The following EYS variants were observed in gnomAD, a reference collection of about 807,000 sequenced individuals.
EYS encodes protein eyes shut homolog.
In EYS, 250 loss-of-function variants were observed where a neutral mutation model predicts 282.1. The observed-to-expected ratio is 0.89, with a 90% CI of 0.80 to 0.98. The LOEUF (loss-of-function observed/expected upper bound fraction) is 0.98. EYS is among the 50% of genes least tolerant of loss of function. EYS has a pLI of 0.00. For synonymous variants in EYS, 1,355 were observed against 1,282.9 expected (o/e 1.06, Z -1.20); for missense variants, 4,016 against 3,709.0 (o/e 1.08, Z -2.15).
chr6:64,556,626 T>C (rs1765241474), intron 26 of EYS, among the ~76,000 whole-genome samples: 1 of 151,956 alleles, frequency 6.6e-6, no homozygotes, highest in South Asian at 2.1e-4. Flanking sequence ...TATAAACTTA[T>C]ATCTCAATAA....
intron 25 of EYS, among the ~76,000 whole-genome samples, chr6:64,592,563 C>T (rs1463588752): frequency 3.3e-5 from 5 of 151,960 alleles, no homozygotes; most frequent in East Asian, 1.9e-4. Flanking sequence ...TCTGATTATC[C>T]GAAGTGGCAT....
At chr6:64,869,378 T>A (rs1766521987) in intron 19 of EYS, among the ~76,000 whole-genome samples, 1 of 151,674 alleles carries the variant, frequency 6.6e-6, no homozygotes, top group East Asian at 1.9e-4. Context: ...ACAGGGAAAG[T>A]CCCTGCCCTC....
intron 22 of EYS, among the ~76,000 whole-genome samples, chr6:64,659,814 G>A (rs1187031828): frequency 6.6e-6 from 1 of 152,080 alleles, no homozygotes. Flanking sequence ...GGTACAAGCA[G>A]GAGCTGGTAC....
intron 26 of EYS, among the ~76,000 whole-genome samples, chr6:64,443,242 A>T (rs957755533): frequency 4.6e-5 from 7 of 152,158 alleles, no homozygotes; most frequent in African/African-American, 1.4e-4. Context: ...TGGGACCTGT[A>T]GCTACTTGGT....
chr6:65,398,762 C>A (rs1219023609), intron 7 of EYS, among the ~76,000 whole-genome samples: 5 of 152,102 alleles, frequency 3.3e-5, no homozygotes, highest in Non-Finnish European at 7.4e-5. Flanking sequence ...ACTTCAATAT[C>A]TCTACTTGGC....
At chr6:64,931,011 G>A (rs920498373) in intron 15 of EYS, among the ~76,000 whole-genome samples, 1 of 152,146 alleles carries the variant, frequency 6.6e-6, no homozygotes, top group Non-Finnish European at 1.5e-5. Flanking sequence ...GTTGCAGTCA[G>A]CATTCAAATT....
chr6:64,821,067 A>T (rs951348128), intron 21 of EYS, among the ~76,000 whole-genome samples: 24 of 152,030 alleles, frequency 1.6e-4, no homozygotes, highest in African/African-American at 5.1e-4. Context: ...ATCCACCAAG[A>T]ACGGTCACAA....
At chr6:65,091,843 GCCAC>G (rs555907445) in intron 12 of EYS, among the ~76,000 whole-genome samples, 172 of 152,074 alleles carry the variant, frequency 1.1e-3, no homozygotes, top group African/African-American at 3.9e-3. Flanking sequence ...CTGGCTTTGA[GCCAC>G]TGTTGTCTGT....
At chr6:63,935,248 G>T (rs1489955377) in intron 35 of EYS, among the ~76,000 whole-genome samples, 1 of 152,194 alleles carries the variant, frequency 6.6e-6, no homozygotes, top group Non-Finnish European at 1.5e-5. Context: ...TGAGAATATA[G>T]CCTGATACAT....
chr6:64,274,200 G>C (rs1768032214), intron 30 of EYS, among the ~76,000 whole-genome samples: 1 of 152,144 alleles, frequency 6.6e-6, no homozygotes, highest in Non-Finnish European at 1.5e-5. Flanking sequence ...TTCATAGACA[G>C]GGTTTCACTC....
chr6:64,912,549 G>C lies in EYS; in HGVS notation c.2576C>G (p.Pro859Arg), dbSNP rs1214166572. Residue 859 changes from proline (P) to arginine (R), a missense_variant, in exon 16 of 43, where the codon CCT (proline) becomes CGT (arginine). Coordinates refer to ENST00000503581, the MANE Select transcript of EYS (RefSeq NM_001142800.2). The part of the protein sequence containing the change: ...RYNLCDLLHN[P>R]CRNNSTCLAL... ...TAAGCATGTTGAGTTGTTTCTGCAA[G>C]GGTTATGAAGTAGGTCACAAAGGTT... 1 of 1,551,160 alleles carries C rather than the reference G, an allele frequency of 6.4e-7. No homozygotes were observed. Among genetic ancestry groups the C allele is most frequent in the East Asian group, 2.4e-5 (1 of 40,910 alleles).
At chr6:65,578,973 G>A (rs1764776647) in intron 2 of EYS, among the ~76,000 whole-genome samples, 1 of 152,070 alleles carries the variant, frequency 6.6e-6, no homozygotes, top group South Asian at 2.1e-4. Flanking sequence ...TATGTTTCTA[G>A]TTTAAATTAT....
At chr6:63,796,964 A>G (rs1399222143) in intron 37 of EYS, among the ~76,000 whole-genome samples, 1 of 152,190 alleles carries the variant, frequency 6.6e-6, no homozygotes, top group Non-Finnish European at 1.5e-5. Context: ...CCAAATGAAT[A>G]TTGCTTACAG....
At chr6:63,779,871 A>G (rs1422892073) in intron 39 of EYS, among the ~76,000 whole-genome samples, 1 of 151,826 alleles carries the variant, frequency 6.6e-6, no homozygotes. Context: ...TACATTAGGT[A>G]TTCCTCCTGA....
chr6:64,290,101 T>C (rs868564348), intron 30 of EYS, among the ~76,000 whole-genome samples: 3 of 152,140 alleles, frequency 2.0e-5, no homozygotes, highest in Admixed American at 6.6e-5. Context: ...GAGCTCAGCA[T>C]AGATGACTTT....
intron 22 of EYS, among the ~76,000 whole-genome samples, chr6:64,735,169 C>T (rs905056772): frequency 4.6e-5 from 7 of 152,116 alleles, no homozygotes; most frequent in African/African-American, 1.7e-4. Flanking sequence ...CTGCAAGCTC[C>T]ATCTTCCGGG....
At chr6:65,111,016 A>G (rs141834726) in intron 12 of EYS, among the ~76,000 whole-genome samples, 67 of 152,292 alleles carry the variant, frequency 4.4e-4, no homozygotes, top group African/African-American at 1.5e-3. Context: ...TTCAGATCAC[A>G]TTAGGAAAAT....
intron 28 of EYS, among the ~76,000 whole-genome samples, chr6:64,412,456 T>C (rs1311224353): frequency 6.6e-6 from 1 of 152,154 alleles, no homozygotes; most frequent in Non-Finnish European, 1.5e-5. Context: ...TACCTAATTA[T>C]ATCAGATGAA....
At chr6:65,423,271 T>A (rs1767534790) in intron 5 of EYS, among the ~76,000 whole-genome samples, 1 of 151,844 alleles carries the variant, frequency 6.6e-6, no homozygotes, top group Non-Finnish European at 1.5e-5. Context: ...TATGTGGGAT[T>A]TTGCTTTGTG....
Sources: allele counts gnomAD v4.1 joint callset (sites outside exome capture counted in the v4.1 genomes callset), GRCh38; gene constraint gnomAD v4.1.1; transcripts MANE v1.5; gene names NCBI Gene and HGNC (gene_info 2026-07-23, HGNC 2026-07-21).